SEL1L2: variants seen among roughly 807,000 people sequenced by gnomAD.
SEL1L2 encodes the protein SEL1L2 adaptor subunit of SYVN1 ubiquitin ligase, also known as protein sel-1 homolog 2.
In SEL1L2, 89 loss-of-function variants were observed where a neutral mutation model predicts 98.8. The ratio of observed to expected loss-of-function variants is 0.90; its 90% CI spans 0.76 to 1.07. The LOEUF (loss-of-function observed/expected upper bound fraction) is 1.07. SEL1L2 is among the 50% of genes least tolerant of loss of function. SEL1L2 has a pLI of 0.00. For missense variants in SEL1L2, 788 were observed against 812.0 expected, an observed-to-expected ratio of 0.97 and a Z score of 0.36; for synonymous variants, 262 against 278.5, an observed-to-expected ratio of 0.94 and a Z score of 0.59.
chr20:13,938,268 A>T (rs987701060), intron 2 of SEL1L2, among the ~76,000 whole-genome samples: 3 of 151,868 alleles, frequency 2.0e-5, no homozygotes, highest in Non-Finnish European at 4.4e-5. Flanking sequence ...TTTAGTAGAG[A>T]TGGGGTTTCA....
At chr20:13,915,756 G>T (rs562796510) in intron 4 of SEL1L2, among the ~76,000 whole-genome samples, 4 of 152,308 alleles carry the variant, frequency 2.6e-5, no homozygotes, top group Non-Finnish European at 5.9e-5. Context: ...CAGGGCTGGA[G>T]AAAGTTGCTG....
intron 1 of SEL1L2, among the ~76,000 whole-genome samples, chr20:13,978,681 C>T (rs917606762): frequency 8.0e-5 from 12 of 150,746 alleles, no homozygotes; most frequent in South Asian, 4.2e-4. Context: ...AACAGATAAA[C>T]GAAAATATAA....
chr20:13,925,694 A>G lies in SEL1L2; in HGVS notation c.283+5909T>C, dbSNP rs548005441. 8.5e-5 allele frequency among the ~76,000 whole-genome samples: 13 copies of G among 152,348 alleles called. No homozygotes were observed. The East Asian group carries it at 2.5e-3, about 29-fold the overall frequency. ...AGCTCTGACTACAACTCGCCAAAAC[A>G]TCGACTACATACTTACTTTTCATTA... On this transcript the variant is annotated intron_variant, in intron 3 of 19. Coordinates refer to ENST00000284951, the MANE Select transcript of SEL1L2 (RefSeq NM_025229.2).
intron 1 of SEL1L2, among the ~76,000 whole-genome samples, chr20:13,983,137 T>C (rs2051947925): frequency 6.6e-6 from 1 of 150,386 alleles, no homozygotes; most frequent in Admixed American, 6.6e-5. Flanking sequence ...CTAAGCCATA[T>C]ACTTTGGGAT....
At chr20:13,894,007 A>T (rs1043306081) in intron 5 of SEL1L2, among the ~76,000 whole-genome samples, 2 of 152,140 alleles carry the variant, frequency 1.3e-5, no homozygotes, top group Non-Finnish European at 2.9e-5. Flanking sequence ...AAACACACCA[A>T]AACTTATGGG....
chr20:13,979,666 T>A (rs976869252), intron 1 of SEL1L2, among the ~76,000 whole-genome samples: 2 of 152,182 alleles, frequency 1.3e-5, no homozygotes, highest in African/African-American at 4.8e-5. Context: ...GAAGAAAATT[T>A]AATCTAGTTA....
chr20:13,888,208 A>G (rs77980592), intron 6 of SEL1L2, among the ~76,000 whole-genome samples: 2,567 of 152,302 alleles, frequency 0.017, 81 homozygotes, highest in African/African-American at 0.057. Flanking sequence ...TGATAAGGGC[A>G]TTGTATAAGA....
chr20:13,889,632 A>G (rs529293322), intron 5 of SEL1L2, among the ~76,000 whole-genome samples: 21 of 152,202 alleles, frequency 1.4e-4, no homozygotes, highest in Admixed American at 1.2e-3. Flanking sequence ...TCTACTAAAA[A>G]TACAAAAAAT....
intron 8 of SEL1L2, 125 bp from the exon 9 acceptor site, chr20:13,886,567 G>A: frequency 2.4e-6 from 2 of 819,404 alleles, no homozygotes. Flanking sequence ...AACTAATAGA[G>A]ACAGAAGATC....
At chr20:13,954,511 A>T (rs1035630335) in intron 2 of SEL1L2, among the ~76,000 whole-genome samples, 1 of 152,182 alleles carries the variant, frequency 6.6e-6, no homozygotes, top group Non-Finnish European at 1.5e-5. Context: ...ATTTACCCCA[A>T]TCTTTGACAC....
intron 1 of SEL1L2, among the ~76,000 whole-genome samples, chr20:13,977,430 G>A (rs1024295007): frequency 2.6e-5 from 4 of 152,190 alleles, no homozygotes; most frequent in African/African-American, 9.7e-5. Context: ...AGAGGCCGCT[G>A]GATTGGTAAT....
chr20:13,929,377 C>T (rs1472909976), intron 3 of SEL1L2, among the ~76,000 whole-genome samples: 1 of 151,312 alleles, frequency 6.6e-6, no homozygotes, highest in Non-Finnish European at 1.5e-5. Context: ...CTTTTACTAA[C>T]TATGCTTCTA....
chr20:13,968,711 A>G (rs575839702), intron 1 of SEL1L2, among the ~76,000 whole-genome samples: 1 of 152,362 alleles, frequency 6.6e-6, no homozygotes, highest in South Asian at 2.1e-4. Context: ...GGGATATAAC[A>G]TCAAAGTAAC....
chr20:13,962,436 C>T (rs1388562171), intron 1 of SEL1L2, among the ~76,000 whole-genome samples: 1 of 152,158 alleles, frequency 6.6e-6, no homozygotes, highest in African/African-American at 2.4e-5. Context: ...GAATAATAGA[C>T]CATGTGGACA....
intron 3 of SEL1L2, among the ~76,000 whole-genome samples, chr20:13,929,796 GC>G (rs2049060413): frequency 7.0e-6 from 1 of 141,992 alleles, no homozygotes; most frequent in African/African-American, 2.6e-5. Flanking sequence ...CACGTGCCCG[GC>G]CTTTTTTTTT....
At chr20:13,911,139 TCTGTGACTAAAGCA>T (rs2048189360) in intron 5 of SEL1L2, among the ~76,000 whole-genome samples, 2 of 152,356 alleles carry the variant, frequency 1.3e-5, no homozygotes, top group Admixed American at 1.3e-4. Flanking sequence ...CAGACCCTCT[TCTGTGACTAAAGCA>T]CTTTATACGC....
chr20:13,966,382 A>C (rs895093163), intron 1 of SEL1L2, among the ~76,000 whole-genome samples: 1 of 151,964 alleles, frequency 6.6e-6, no homozygotes, highest in Non-Finnish European at 1.5e-5. Flanking sequence ...GCAACGGCAC[A>C]ATCTCAGCTC....
At chr20:13,895,447 T>TAAAA (rs74581623) in intron 5 of SEL1L2, among the ~76,000 whole-genome samples, 1 of 93,060 alleles carries the variant, frequency 1.1e-5, no homozygotes, top group Non-Finnish European at 2.1e-5. Flanking sequence ...GATCTTGTCC[T>TAAAA]AAAAAAAAAA....
intron 1 of SEL1L2, among the ~76,000 whole-genome samples, chr20:13,961,432 C>T (rs1390548877): frequency 6.6e-6 from 1 of 152,182 alleles, no homozygotes; most frequent in Admixed American, 6.6e-5. Flanking sequence ...AGGGAAGAAG[C>T]TAGCACTACA....
Sources: gnomAD v4.1 joint callset for allele counts (sites outside exome capture counted in the v4.1 genomes callset) on GRCh38, gnomAD v4.1.1 for gene constraint, MANE v1.5 for transcripts, NCBI Gene and HGNC (gene_info 2026-07-23, HGNC 2026-07-21) for gene names.